The following PIEZO2 variants were observed in gnomAD, a reference collection of about 807,000 sequenced individuals.
The protein encoded by PIEZO2 is piezo-type mechanosensitive ion channel component 2.
In PIEZO2, 172 loss-of-function variants were observed where a neutral mutation model predicts 337.3. The ratio of observed to expected loss-of-function variants is 0.51; its 90% CI spans 0.45 to 0.58. The LOEUF (loss-of-function observed/expected upper bound fraction) is 0.58. PIEZO2 is among the 20% of genes least tolerant of loss of function. PIEZO2 has a pLI of 0.00. For synonymous variants in PIEZO2, 1,251 were observed against 1,228.5 expected (o/e 1.02, Z -0.38); for missense variants, 3,028 against 3,391.3 (o/e 0.89, Z 2.66).
At chr18:10,885,545 T>C (rs1276663468) in intron 4 of PIEZO2, among the ~76,000 whole-genome samples, 1 of 152,164 alleles carries the variant, frequency 6.6e-6, no homozygotes, top group Non-Finnish European at 1.5e-5. Flanking sequence ...AACAACATGA[T>C]GTGTCCATGG....
intron 32 of PIEZO2, among the ~76,000 whole-genome samples, chr18:10,741,366 A>G (rs1051223847): frequency 6.6e-6 from 1 of 152,248 alleles, no homozygotes; most frequent in Admixed American, 6.5e-5. Context: ...TATAAAAAAG[A>G]AAGGATTATC....
At chr18:10,869,214 GAAGA>G (rs1378185455) in intron 5 of PIEZO2, among the ~76,000 whole-genome samples, 4 of 152,164 alleles carry the variant, frequency 2.6e-5, no homozygotes, top group African/African-American at 9.7e-5. Flanking sequence ...TTTTGTAGAA[GAAGA>G]AAGAGAAGAA....
At chr18:10,686,559 G>A (rs2034553070) in intron 49 of PIEZO2, among the ~76,000 whole-genome samples, 1 of 152,194 alleles carries the variant, frequency 6.6e-6, no homozygotes, top group African/African-American at 2.4e-5. Context: ...GTGTGTCTAG[G>A]CTCAGGGTAT....
At chr18:11,023,712 G>T (rs996763536) in intron 2 of PIEZO2, among the ~76,000 whole-genome samples, 1 of 152,198 alleles carries the variant, frequency 6.6e-6, no homozygotes. Flanking sequence ...GCGCTCGTCC[G>T]GGAGGCTAGG....
At position 10,871,287 on chromosome 18, in the gene PIEZO2, G is replaced by A; in HGVS notation, c.458C>T (p.Ala153Val). ...IVQKPVTDEA[A>V]QSNPEFENEE... ...ATTTTCAAACTCCGGGTTACTCTGT[G>A]CTGCTTCGTCTGTCACAGGTTTCTG... Residue 153 changes from alanine (A) to valine (V), a missense_variant, in exon 5 of 56, where the codon GCA (alanine) becomes GTA (valine). Coordinates refer to ENST00000674853, the MANE Select transcript of PIEZO2 (RefSeq NM_001378183.1). The A allele has an allele frequency of 6.5e-7, 1 of 1,537,140 alleles. No individual in the cohort carries two copies. The highest frequency in any genetic ancestry group is 8.7e-7 in the Non-Finnish European group (1 of 1,146,854).
rs36042609 is a variant in PIEZO2, at chr18:10,722,957, ATTTTT to A, written c.5030-4703_5030-4699del. Among the ~76,000 whole-genome samples, 436 of 84,338 alleles carry A rather than the reference ATTTTT, an allele frequency of 5.2e-3. 2 individuals carry two copies. The highest frequency in any genetic ancestry group is 0.019 in the African/African-American group (407 of 20,892). 55.3% of individuals were successfully genotyped at this position (84,338 alleles called of 152,430 possible). On this transcript the variant is annotated intron_variant, in intron 36 of 55. Coordinates refer to ENST00000674853, the MANE Select transcript of PIEZO2 (RefSeq NM_001378183.1). ...GACAGCATGTGTCCAGGATGCAGTG[ATTTTT>A]TTTTTTTTTTTTTTTTTTTTTTGAG...
At chr18:10,812,108 C>T (rs979710638) in intron 7 of PIEZO2, among the ~76,000 whole-genome samples, 12 of 152,232 alleles carry the variant, frequency 7.9e-5, no homozygotes, top group Non-Finnish European at 1.6e-4. Context: ...GCTGGGATTA[C>T]AGGCGTGAGC....
chr18:11,143,000 A>G (rs1353521203), intron 1 of PIEZO2, among the ~76,000 whole-genome samples: 1 of 151,998 alleles, frequency 6.6e-6, no homozygotes, highest in Non-Finnish European at 1.5e-5. Flanking sequence ...AATGGCATGA[A>G]CCCAGGAGGC....
chr18:11,091,410 AAAAG>A (rs1485105219), intron 1 of PIEZO2, among the ~76,000 whole-genome samples: 2 of 152,002 alleles, frequency 1.3e-5, no homozygotes, highest in Non-Finnish European at 2.9e-5. Flanking sequence ...GAAAAAAAGA[AAAAG>A]AAAGGAAAAG....
intron 2 of PIEZO2, among the ~76,000 whole-genome samples, chr18:11,055,065 G>C (rs917963479): frequency 1.3e-5 from 2 of 152,108 alleles, no homozygotes; most frequent in African/African-American, 4.8e-5. Flanking sequence ...CAAAAAATTA[G>C]CTGGGCGCGG....
At chr18:11,057,880 A>ATC (rs2037788244) in intron 2 of PIEZO2, among the ~76,000 whole-genome samples, 1 of 152,236 alleles carries the variant, frequency 6.6e-6, no homozygotes, top group African/African-American at 2.4e-5. Flanking sequence ...ACTGCTGATC[A>ATC]TCTTCTTTCT....
intron 36 of PIEZO2, chr18:10,728,386 C>T (rs1483344390): frequency 3.3e-5 from 5 of 152,174 alleles, no homozygotes; most frequent in African/African-American, 9.7e-5. Context: ...TTCTTCCTAA[C>T]CTTTGCTAAG....
chr18:10,790,689 T>C (rs1046107618), intron 14 of PIEZO2, among the ~76,000 whole-genome samples: 1 of 149,220 alleles, frequency 6.7e-6, no homozygotes, highest in African/African-American at 2.5e-5. Flanking sequence ...ATCACCTTCG[T>C]GAGGATCAAA....
chr18:11,030,990 T>TTTG (rs35599650), intron 2 of PIEZO2, among the ~76,000 whole-genome samples: 34,739 of 151,362 alleles, frequency 0.23, 4,869 homozygotes, highest in African/African-American at 0.39. Context: ...CTTCTGGAAT[T>TTTG]TTGTTGTTGT....
At position 10,877,913 on chromosome 18, in the gene PIEZO2, C is replaced by T. The variant is rs936414490; in HGVS notation, c.330-6498G>A. Among the ~76,000 whole-genome samples, 4 of 152,118 alleles carry T rather than the reference C, an allele frequency of 2.6e-5. No homozygotes were observed. Among genetic ancestry groups the T allele is most frequent in the Admixed American group, 2.0e-4 (3 of 15,264 alleles). Reference sequence around the variant, plus strand: ...TCAAATTCCGGCCATACTGAATGCACGTACCCAGAACGCGCCAGTGTTTTC... The same window carrying T: ...TCAAATTCCGGCCATACTGAATGCATGTACCCAGAACGCGCCAGTGTTTTC... On this transcript the variant is annotated intron_variant, in intron 4 of 55. Transcript: ENST00000674853. This position sits in a 1 kb window ranked among gnomAD's most constrained non-coding sequence, Gnocchi z 5.3.
At chr18:11,144,312 T>C (rs1264841242) in intron 1 of PIEZO2, among the ~76,000 whole-genome samples, 1 of 152,240 alleles carries the variant, frequency 6.6e-6, no homozygotes, top group Non-Finnish European at 1.5e-5. Flanking sequence ...ATTTCTGAAC[T>C]TGATAAATAG....
chr18:10,848,649 G>T lies in PIEZO2; in HGVS notation c.917+6704C>A, dbSNP rs569510836. 1.1e-4 allele frequency among the ~76,000 whole-genome samples: 16 copies of T among 152,240 alleles called. No homozygotes were observed. The South Asian group carries it at 3.3e-3, about 32-fold the overall frequency. On this transcript the variant is annotated intron_variant, in intron 7 of 55. Coordinates refer to ENST00000674853, the MANE Select transcript of PIEZO2 (RefSeq NM_001378183.1). ...CAGCAAAACAACAAACTGAACTTGA[G>T]CAAACAAGTCCGACCCCTGCAGTGA...
chr18:10,743,767 G>A (rs1034920227), intron 31 of PIEZO2, among the ~76,000 whole-genome samples: 2 of 152,192 alleles, frequency 1.3e-5, no homozygotes, highest in Non-Finnish European at 2.9e-5. Context: ...TCATTAGCTA[G>A]TTTAATCTTT....
intron 3 of PIEZO2, among the ~76,000 whole-genome samples, chr18:10,946,183 C>CA (rs1357515590): frequency 5.9e-5 from 9 of 152,020 alleles, no homozygotes; most frequent in Admixed American, 5.2e-4. Flanking sequence ...TTTAAATGCT[C>CA]AAAATCAATG....
Sources: gnomAD v4.1 joint callset for allele counts (sites outside exome capture counted in the v4.1 genomes callset) on GRCh38, gnomAD v4.1.1 for gene constraint, Gnocchi (gnomAD v3.1) non-coding constraint, MANE v1.5 for transcripts, NCBI Gene and HGNC (gene_info 2026-07-23, HGNC 2026-07-21) for gene names.